The following RELB variants were observed in gnomAD, a reference collection of about 807,000 sequenced individuals.
RELB encodes the protein RELB proto-oncogene, NF-kB subunit, also known as transcription factor RelB.
A neutral mutation model predicts 55.4 loss-of-function variants in RELB; 14 were observed. That is an observed-to-expected ratio of 0.25 (90% CI 0.17 to 0.40). The LOEUF is 0.40. Among genes scored for constraint, RELB ranks in the 10% least tolerant of loss-of-function variants. RELB has a pLI of 1.00. For synonymous variants in RELB, 409 were observed against 371.3 expected, an observed-to-expected ratio of 1.10 and a Z score of -1.17; for missense variants, 669 against 830.7, an observed-to-expected ratio of 0.81 and a Z score of 2.39.
In RELB at chr19:45,001,611, C is replaced by T; in HGVS notation, c.32C>T (p.Ser11Phe). 1 of 1,516,268 alleles carries T rather than the reference C, an allele frequency of 6.6e-7. No individual in the cohort carries two copies. The highest frequency in any genetic ancestry group is 8.8e-7 in the Non-Finnish European group (1 of 1,138,666). The allele number at this position is 1,516,268 out of a possible 1,614,324, so 93.9% of individuals were successfully genotyped here. A position where few individuals can be genotyped will look rare whatever the true frequency, so the allele number is the denominator to read the frequency against. MLRSGPASGP[S>F]VPTGRAMPSR... ...CGGTCTGGGCCAGCCTCTGGGCCGT[C>T]CGTCCCCACTGGCCGGGCCATGCCG... Residue 11 changes from serine to phenylalanine, a missense_variant, in exon 1 of 12, where the codon TCC becomes TTC. This residue lies in a region of RELB where 323 missense variants were observed against 368.5 expected (regional missense o/e 0.88). Transcript: ENST00000221452.
intron 1 of RELB, among the ~76,000 whole-genome samples, chr19:45,001,929 G>T (rs956647865): frequency 6.6e-6 from 1 of 150,648 alleles, no homozygotes; most frequent in Non-Finnish European, 1.5e-5. Context: ...CTGACCCTGA[G>T]GCAAAGAAGG....
At chr19:45,027,702 G>A (rs1944460224) in intron 7 of RELB, among the ~76,000 whole-genome samples, 1 of 151,778 alleles carries the variant, frequency 6.6e-6, no homozygotes, top group Non-Finnish European at 1.5e-5. Context: ...GGTCCCTTGA[G>A]GGAAAATTGG....
Position 45,003,143 on chromosome 19 carries a change from G to T in RELB, c.154+147G>T, listed in dbSNP as rs1048005527. The T allele has an allele frequency of 3.4e-5, 26 of 764,786 alleles. No homozygotes were observed. The African/African-American group carries it at 4.4e-4, about 13-fold the overall frequency. The allele number at this position is 764,786 out of a possible 1,614,324, so 47.4% of individuals were successfully genotyped here. On this transcript the variant is annotated intron_variant, in intron 2 of 11. Transcript: ENST00000221452. ...CATCCCTCCCTGCCAGTTGAGATGGGCCCCCTAGGTTTTCTTACCTCTTGG... is the reference window on the plus strand; with the variant it reads ...CATCCCTCCCTGCCAGTTGAGATGGTCCCCCTAGGTTTTCTTACCTCTTGG...
chr19:45,037,757 C>A lies in RELB; in HGVS notation c.1707C>A (p.Gly569=). The part of the protein sequence containing the change: ...PNHYREAAFG[G]GLLSPGPEAT The stretch of plus-strand genomic sequence containing the variant: ...ATTACCGCGAGGCGGCCTTTGGGGG[C>A]GGCCTCCTATCCCCGGGGCCTGAAG... The change falls in exon 12 of 12, where the codon GGC becomes GGA. Residue 569 remains glycine (G), a synonymous_variant. Coordinates refer to ENST00000221452, the MANE Select transcript of RELB (RefSeq NM_006509.4). The A allele has an allele frequency of 6.7e-7, 1 of 1,487,112 alleles. No individual in the cohort carries two copies. The highest frequency in any genetic ancestry group is 8.9e-7 in the Non-Finnish European group (1 of 1,121,378). 92.1% of individuals were successfully genotyped at this position (1,487,112 alleles called of 1,614,324 possible).
At position 45,012,153 on chromosome 19, in the gene RELB, G is replaced by C. The variant is rs780228943; in HGVS notation, c.381G>C (p.Leu127=). ...CGGGCCCGGGCCCGCAGCCGCACCT[G>C]GTCATCACGGAGCAGCCCAAGCAGC... The part of the protein sequence containing the change: ...PAPGPGPQPH[L]VITEQPKQRG... The change falls in exon 4 of 12, where the codon CTG becomes CTC. Residue 127 remains leucine (L), a synonymous_variant. Transcript: ENST00000221452. 21 of 1,563,780 alleles carry C rather than the reference G, an allele frequency of 1.3e-5. No individual in the cohort carries two copies. Among genetic ancestry groups the C allele is most frequent in the Non-Finnish European group, 1.6e-5 (19 of 1,163,934 alleles).
At chr19:45,033,172 G>C (rs1471155434) in intron 9 of RELB, among the ~76,000 whole-genome samples, 2 of 152,282 alleles carry the variant, frequency 1.3e-5, no homozygotes, top group Non-Finnish European at 2.9e-5. Flanking sequence ...GTGCTCAAGG[G>C]CTCACATTGC....
chr19:45,034,643 A>T, intron 11 of RELB, 115 bp downstream of exon 11: 1 of 804,340 alleles, frequency 1.2e-6, no homozygotes, highest in Non-Finnish European at 2.0e-6. Context: ...CGAGTCACTC[A>T]GCACTTAGCC....
intron 3 of RELB, among the ~76,000 whole-genome samples, chr19:45,011,223 C>T (rs1322797488): frequency 1.3e-5 from 2 of 151,316 alleles, no homozygotes; most frequent in Admixed American, 6.6e-5. Flanking sequence ...AGTGCAGTGA[C>T]GCAATCTCGG....
chr19:45,021,890 C>G (rs1971493120), intron 4 of RELB, 163 bp from the exon 5 acceptor site: 1 of 702,708 alleles, frequency 1.4e-6, no homozygotes, highest in African/African-American at 1.8e-5. Context: ...TGGTCTTAAG[C>G]AAACACATTC....
At chr19:45,011,149 G>T (rs1600065803) in intron 3 of RELB, among the ~76,000 whole-genome samples, 2 of 151,544 alleles carry the variant, frequency 1.3e-5, no homozygotes, top group East Asian at 3.9e-4. Flanking sequence ...ACCATGCCCA[G>T]CCTATTTATT....
intron 4 of RELB, among the ~76,000 whole-genome samples, chr19:45,019,838 C>T (rs1035676459): frequency 5.7e-4 from 87 of 152,174 alleles, no homozygotes; most frequent in African/African-American, 1.9e-3. Flanking sequence ...CCACCACGTG[C>T]GGCTAATTTT....
Position 45,037,509 on chromosome 19 carries a change from G to C in RELB, c.1459G>C (p.Asp487His). The C allele has an allele frequency of 6.2e-7, 1 of 1,613,088 alleles. No individual in the cohort carries two copies. The highest frequency in any genetic ancestry group is 8.5e-7 in the Non-Finnish European group (1 of 1,179,730). The change falls in exon 12 of 12, where the codon GAT becomes CAT. Residue 487 changes from aspartate to histidine, a missense_variant. Asp to His is a moderately conservative substitution (Grantham distance 81). Around this residue, in one of 3 missense-constraint regions of RELB, gnomAD observed 341 missense variants for 436.8 expected, o/e 0.78. Coordinates refer to ENST00000221452, the MANE Select transcript of RELB (RefSeq NM_006509.4). ...EPPGGPDLLD[D>H]GFAYDPTAPT... ...CCCTGGCGGGCCTGACCTCCTGGAC[G>C]ATGGCTTTGCCTACGACCCTACGGC... is the stretch of plus-strand genomic sequence containing the variant.
At position 45,002,969 on chromosome 19, in the gene RELB, C is replaced by T; in HGVS notation, c.127C>T (p.Leu43Phe). ...GALGSPDLSS[L>F]SLAVSRSTDE... ...TGCAGGGTCCCCCGACCTCTCCTCA[C>T]TCTCGCTCGCCGTTTCCAGGAGCAC... The change falls in exon 2 of 12, where the codon CTC (leucine) becomes TTC (phenylalanine). Residue 43 changes from leucine to phenylalanine, a missense_variant. Around this residue, in one of 3 missense-constraint regions of RELB, gnomAD observed 323 missense variants for 368.5 expected, o/e 0.88. Transcript: ENST00000221452. 2 of 1,613,592 alleles carry T rather than the reference C, an allele frequency of 1.2e-6. No individual in the cohort carries two copies. Among genetic ancestry groups the T allele is most frequent in the Non-Finnish European group, 1.7e-6 (2 of 1,179,768 alleles).
intron 8 of RELB, among the ~76,000 whole-genome samples, chr19:45,030,642 A>G (rs1971610207): frequency 1.3e-5 from 2 of 152,006 alleles, no homozygotes; most frequent in South Asian, 4.2e-4. Flanking sequence ...AAAAAATGAA[A>G]TAAAATAGCC....
chr19:45,031,268 C>T (rs549508217), intron 8 of RELB, among the ~76,000 whole-genome samples: 12 of 152,004 alleles, frequency 7.9e-5, no homozygotes, highest in Admixed American at 2.6e-4. Flanking sequence ...GGACCACAGG[C>T]GTGCGCCACC....
chr19:45,012,342 C>A, intron 4 of RELB, 66 bp downstream of exon 4: 1 of 1,009,932 alleles, frequency 9.9e-7, no homozygotes, highest in Non-Finnish European at 1.3e-6. Context: ...GAGCCATCCA[C>A]ATGCATTTAT....
At position 45,001,520 on chromosome 19, in the gene RELB, C is replaced by G. The variant is rs985545378; in HGVS notation, c.-60C>G. 44 of 979,876 alleles carry G rather than the reference C, an allele frequency of 4.5e-5. No homozygotes were observed. Among genetic ancestry groups the G allele is most frequent in the Middle Eastern group, 3.7e-4 (1 of 2,718 alleles). 60.7% of individuals were successfully genotyped at this position (979,876 alleles called of 1,614,324 possible). A position where few individuals can be genotyped will look rare whatever the true frequency, so the allele number is the denominator to read the frequency against. ...CTGCGGCCCCAGCCCTTGCGCCGCT[C>G]GTCCGACCCGCGATCGTCCACCAGA... On this transcript the variant is annotated 5_prime_UTR_variant, in exon 1 of 12. Transcript: ENST00000221452.
rs574859590 is a variant in RELB, at chr19:45,025,721, G to C, written c.870G>C (p.Glu290Asp). 27 of 1,613,990 alleles carry C rather than the reference G, an allele frequency of 1.7e-5. No homozygotes were observed. The African/African-American group carries it at 3.5e-4, about 21-fold the overall frequency. ...QMRRMDPVLS[E>D]PVYDKKSTNT... ...GCCGGATGGATCCTGTGCTTTCCGA[G>C]CCCGTCTATGACAAGAGTGAGTTGA... The change falls in exon 7 of 12, where the codon GAG (glutamate) becomes GAC (aspartate). Residue 290 changes from glutamate (E) to aspartate (D), a missense_variant. This residue lies in a region of RELB where 341 missense variants were observed against 436.8 expected (regional missense o/e 0.78). Coordinates refer to ENST00000221452, the MANE Select transcript of RELB (RefSeq NM_006509.4).
At chr19:45,021,110 G>T (rs1971480535) in intron 4 of RELB, among the ~76,000 whole-genome samples, 1 of 151,866 alleles carries the variant, frequency 6.6e-6, no homozygotes, top group South Asian at 2.1e-4. Flanking sequence ...GGAGGCGGAG[G>T]TTGCAGTGAG....
Sources: allele counts gnomAD v4.1 joint callset (sites outside exome capture counted in the v4.1 genomes callset), GRCh38; gene constraint gnomAD v4.1.1; regional missense constraint gnomAD v4.1.1; transcripts MANE v1.5; gene names NCBI Gene and HGNC (gene_info 2026-07-23, HGNC 2026-07-21).